Variants in PPP4R2 observed in about 807,000 individuals in gnomAD.
PPP4R2 encodes the protein serine/threonine-protein phosphatase 4 regulatory subunit 2.
In PPP4R2, 13 loss-of-function variants were observed where a neutral mutation model predicts 47.2. That is an observed-to-expected ratio of 0.28 (90% CI 0.18 to 0.44). The LOEUF (loss-of-function observed/expected upper bound fraction) is 0.44, where lower values mean the gene tolerates loss of function less well. Ranked by LOEUF, PPP4R2 falls within the 20% of genes least tolerant of loss-of-function variation. PPP4R2 has a pLI of 1.00. For missense variants in PPP4R2, 421 were observed against 491.2 expected (o/e 0.86, Z 1.35); for synonymous variants, 151 against 163.3 (o/e 0.92, Z 0.57).
At chr3:73,053,615 AAG>A (rs1386497528) in intron 3 of PPP4R2, among the ~76,000 whole-genome samples, 2 of 152,134 alleles carry the variant, frequency 1.3e-5, no homozygotes, top group Non-Finnish European at 2.9e-5. Context: ...TCATTATTAA[AAG>A]AGGCGAAATT....
In PPP4R2 at chr3:73,065,622, G is replaced by A; in HGVS notation, c.1154G>A (p.Gly385Glu). 1 of 1,612,930 alleles carries A rather than the reference G, an allele frequency of 6.2e-7. No individual in the cohort carries two copies. The highest frequency in any genetic ancestry group is 8.5e-7 in the Non-Finnish European group (1 of 1,178,988). Residue 385 changes from glycine (G) to glutamate (E), a missense_variant, in exon 9 of 9, where the codon GGA becomes GAA. Gly to Glu is a moderately conservative substitution (Grantham distance 98). This residue lies in a region of PPP4R2 where 317 missense variants were observed against 287.5 expected (regional missense o/e 1.10). Transcript: ENST00000356692. ...TGCCGTGAAACAGAAGAATTAGTAG[G>A]ATCCAATTCCAGTAAAACTGGAGAG... ...SDCRETEELVGSNSSKTGEIL... is the reference protein window; with the variant it reads ...SDCRETEELVESNSSKTGEIL...
intron 2 of PPP4R2, among the ~76,000 whole-genome samples, chr3:73,036,952 C>T (rs1702274271): frequency 1.3e-5 from 2 of 152,218 alleles, no homozygotes; most frequent in Non-Finnish European, 1.5e-5. Flanking sequence ...ACAGTAATCT[C>T]TCACCACTTG....
intron 2 of PPP4R2, among the ~76,000 whole-genome samples, chr3:73,041,639 A>G (rs1471923961): frequency 1.3e-5 from 2 of 152,172 alleles, no homozygotes; most frequent in African/African-American, 4.8e-5. Flanking sequence ...TATCCTTTGG[A>G]GTAGCTAATA....
chr3:73,037,938 T>C (rs1466108674), intron 2 of PPP4R2, among the ~76,000 whole-genome samples: 1 of 152,234 alleles, frequency 6.6e-6, no homozygotes, highest in Non-Finnish European at 1.5e-5. Flanking sequence ...CAAAGTAATT[T>C]TGTTAGTCAA....
intron 5 of PPP4R2, 189 bp downstream of exon 5, chr3:73,061,249 C>T: frequency 3.3e-6 from 1 of 300,638 alleles, no homozygotes; most frequent in Non-Finnish European, 6.0e-6. Flanking sequence ...ATGTTTTTTC[C>T]ATTAAAGAGA....
chr3:73,046,883 T>A (rs1327620263), intron 2 of PPP4R2, among the ~76,000 whole-genome samples: 1 of 152,188 alleles, frequency 6.6e-6, no homozygotes, highest in Admixed American at 6.5e-5. Flanking sequence ...AGTCAAAATA[T>A]TATTTTAAAC....
chr3:73,047,889 G>GT (rs778211493), intron 3 of PPP4R2, among the ~76,000 whole-genome samples: 1 of 152,050 alleles, frequency 6.6e-6, no homozygotes, highest in Non-Finnish European at 1.5e-5. Context: ...TGTTTTGTTT[G>GT]TTTTTGAGAA....
chr3:73,053,220 T>C (rs1702656193), intron 3 of PPP4R2, among the ~76,000 whole-genome samples: 1 of 152,206 alleles, frequency 6.6e-6, no homozygotes, highest in African/African-American at 2.4e-5. Context: ...GGCAGATTTC[T>C]GTCTCTCTCA....
chr3:73,015,888 T>C, intron 2 of PPP4R2: 1 of 355,952 alleles, frequency 2.8e-6, no homozygotes, highest in Non-Finnish European at 5.8e-6. Flanking sequence ...TCTACCTGCT[T>C]TGGCCTCCCA....
At chr3:73,006,649 G>A (rs1701615876) in intron 2 of PPP4R2, among the ~76,000 whole-genome samples, 1 of 151,976 alleles carries the variant, frequency 6.6e-6, no homozygotes, top group African/African-American at 2.4e-5. Context: ...CTCATTGTGG[G>A]GCTTACCTCT....
intron 2 of PPP4R2, among the ~76,000 whole-genome samples, chr3:73,039,196 T>C (rs2107293545): frequency 6.6e-6 from 1 of 152,332 alleles, no homozygotes; most frequent in Admixed American, 6.5e-5. Context: ...CCATCTTGGC[T>C]CACTGCAACC....
Position 73,065,142 on chromosome 3 carries a change from GT to G in PPP4R2, c.928+2del. The G allele has an allele frequency of 6.3e-7, 1 of 1,598,566 alleles. No individual in the cohort carries two copies. The highest frequency in any genetic ancestry group is 1.1e-5 in the South Asian group (1 of 88,244). ...GAAGAGGATGAAGAGGAAGAAGAAG[GT>G]ATTTAGAGACCATCTGTAAAAGGGT... On this transcript the variant is annotated splice_donor_variant, in intron 8 of 8. Coordinates refer to ENST00000356692, the MANE Select transcript of PPP4R2 (RefSeq NM_174907.4). LOFTEE classifies it high-confidence loss of function.
rs1703009012 is a variant in PPP4R2, at chr3:73,066,978, G to T, written c.*1256G>T. 1 of 152,050 alleles carries T rather than the reference G, an allele frequency of 6.6e-6. No homozygotes were observed. The highest frequency in any genetic ancestry group is 2.1e-4 in the South Asian group (1 of 4,826). 9.4% of individuals were successfully genotyped at this position (152,050 alleles called of 1,614,324 possible). A position where few individuals can be genotyped will look rare whatever the true frequency, so the allele number is the denominator to read the frequency against. On this transcript the variant is annotated 3_prime_UTR_variant, in exon 9 of 9. Coordinates refer to ENST00000356692, the MANE Select transcript of PPP4R2 (RefSeq NM_174907.4). ...AAGTCATGCAAGCTGTAACTTCCCT[G>T]TCAAAATTACTGGCTGCCAAATTTA...
intron 2 of PPP4R2, among the ~76,000 whole-genome samples, chr3:73,007,785 G>A (rs567786189): frequency 1.2e-3 from 183 of 152,260 alleles, no homozygotes; most frequent in African/African-American, 4.0e-3. Context: ...CACCGCGCCC[G>A]GCCTCTATGG....
chr3:73,027,662 G>GTGTGTA (rs1491085780), intron 2 of PPP4R2: 5 of 43,872 alleles, frequency 1.1e-4, no homozygotes, highest in Non-Finnish European at 2.6e-4. Context: ...CTTGTGAGGT[G>GTGTGTA]TGTGTGTGTG....
intron 2 of PPP4R2, chr3:73,015,979 G>A (rs1241831510): frequency 1.5e-5 from 3 of 205,986 alleles, no homozygotes. Context: ...TGTTATCCAG[G>A]CTGGTCTCGA....
rs370764363 is a variant in PPP4R2 at position 73,027,033 on chromosome 3, A to C, written c.117-20153A>C. Among the ~76,000 whole-genome samples, 42 of 152,362 alleles carry C rather than the reference A, an allele frequency of 2.8e-4. No homozygotes were observed. In the East Asian group the frequency reaches 3.5e-3, roughly 13 times the overall value. On this transcript the variant is annotated intron_variant, in intron 2 of 8. Transcript: ENST00000356692. ...ACATATGCTTCTGAAGATTGAGTTA[A>C]TATGTCCAAAGTGCTTAGAACAGTA... is the stretch of plus-strand genomic sequence containing the variant.
At chr3:73,015,202 CAG>C (rs1288310002) in intron 2 of PPP4R2, among the ~76,000 whole-genome samples, 14 of 152,188 alleles carry the variant, frequency 9.2e-5, no homozygotes, top group Non-Finnish European at 1.9e-4. Flanking sequence ...TTTTTTGAGA[CAG>C]AGTCTCTCTC....
At chr3:73,044,259 CTG>C (rs1279946927) in intron 2 of PPP4R2, among the ~76,000 whole-genome samples, 1 of 152,006 alleles carries the variant, frequency 6.6e-6, no homozygotes, top group Non-Finnish European at 1.5e-5. Flanking sequence ...AGCAACCAAA[CTG>C]CTTTCCACAG....
Sources: gnomAD v4.1 joint callset for allele counts (sites outside exome capture counted in the v4.1 genomes callset) on GRCh38, gnomAD v4.1.1 for gene constraint, gnomAD v4.1.1 regional missense constraint, MANE v1.5 for transcripts, NCBI Gene and HGNC (gene_info 2026-07-23, HGNC 2026-07-21) for gene names.